DCAF16: variants seen among roughly 807,000 people sequenced by gnomAD.
DCAF16 encodes DDB1- and CUL4-associated factor 16.
A neutral mutation model predicts 17.3 loss-of-function variants in DCAF16; 10 were observed. The observed-to-expected ratio is 0.58, with a 90% CI of 0.36 to 0.98. DCAF16 has a LOEUF of 0.98. Among genes scored for constraint, DCAF16 ranks in the 50% least tolerant of loss-of-function variants. The pLI, the probability that DCAF16 is intolerant of heterozygous loss-of-function variation, is 0.01. For missense variants in DCAF16, 249 were observed against 247.6 expected (o/e 1.01, Z -0.04); for synonymous variants, 111 against 92.8 (o/e 1.20, Z -1.12).
rs1719770181 is a variant in DCAF16 at position 17,801,424 on chromosome 4, C to A, written c.*2067G>T. On this transcript the variant is annotated 3_prime_UTR_variant, in exon 3 of 3. Coordinates refer to ENST00000382247, the MANE Select transcript of DCAF16 (RefSeq NM_017741.4). ...GGATTACAGGCATGAGCCACCATGC[C>A]TGGCCTGCTTCAATTTTTTGATGCC... The A allele has an allele frequency of 6.6e-6, 1 of 152,182 alleles. No individual in the cohort carries two copies. Among genetic ancestry groups the A allele is most frequent in the Non-Finnish European group, 1.5e-5 (1 of 68,038 alleles). 9.4% of individuals were successfully genotyped at this position (152,182 alleles called of 1,614,324 possible).
At chr4:17,805,038 A>G (rs567015802) in intron 2 of DCAF16, 69 bp downstream of exon 2, 1 of 152,174 alleles carries the variant, frequency 6.6e-6, no homozygotes, top group East Asian at 1.9e-4. Context: ...TACTTTTGCA[A>G]AAGCTGATCC....
At chr4:17,798,059 C>A (rs1719507953), downstream of DCAF16, among the ~76,000 whole-genome samples, 1 of 152,176 alleles carries the variant, frequency 6.6e-6, no homozygotes, top group Non-Finnish European at 1.5e-5. Context: ...ACTAGGAAGT[C>A]AGTTTTAATC....
chr4:17,803,827 G>T lies in DCAF16; in HGVS notation c.315C>A (p.Pro105=). The T allele has an allele frequency of 2.5e-6, 4 of 1,614,158 alleles. No individual in the cohort carries two copies. The highest frequency in any genetic ancestry group is 3.4e-6 in the Non-Finnish European group (4 of 1,180,028). Residue 105 remains proline, a synonymous_variant, in exon 3 of 3, where the codon CCC becomes CCA. Transcript: ENST00000382247. ...LRLSHCSHCV[P]KLEPIPEWPP... ...GCCATTCAGGAATTGGTTCCAGTTT[G>T]GGGACACAATGGGAACAATGGGAGA...
chr4:17,805,933 C>T (rs1720281887), intron 1 of DCAF16, among the ~76,000 whole-genome samples: 1 of 152,180 alleles, frequency 6.6e-6, no homozygotes, highest in South Asian at 2.1e-4. Flanking sequence ...CACCACTGTA[C>T]TCCAGTCTGG....
At chr4:17,799,858 T>C (rs1719612642), downstream of DCAF16, among the ~76,000 whole-genome samples, 3 of 152,186 alleles carry the variant, frequency 2.0e-5, no homozygotes, top group South Asian at 6.2e-4. Flanking sequence ...TTAATAAAAA[T>C]GTTGCCTATG....
chr4:17,803,094 A>G lies in DCAF16; in HGVS notation c.*397T>C, dbSNP rs111465602. ...GGCTGGAGTACAGTGGCATAATCTC[A>G]ACTCACCGCAACCTCCGTCTCCTGG... On this transcript the variant is annotated 3_prime_UTR_variant, in exon 3 of 3. Transcript: ENST00000382247. 0.13 allele frequency: 22,919 copies of G among 177,110 alleles called. 1,676 individuals are homozygous for G. The highest frequency in any genetic ancestry group is 0.23 in the South Asian group (1,809 of 7,932). The allele number at this position is 177,110 out of a possible 1,614,324, so 11.0% of individuals were successfully genotyped here.
chr4:17,799,182 G>T (rs1719576444), downstream of DCAF16, among the ~76,000 whole-genome samples: 1 of 152,180 alleles, frequency 6.6e-6, no homozygotes, highest in African/African-American at 2.4e-5. Flanking sequence ...AGTATCCGTT[G>T]TGGGGGTTTA....
At chr4:17,808,174 CTT>C (rs1251214312) in intron 1 of DCAF16, among the ~76,000 whole-genome samples, 4 of 152,190 alleles carry the variant, frequency 2.6e-5, no homozygotes, top group Non-Finnish European at 4.4e-5. Flanking sequence ...CTGCTTATAA[CTT>C]TAAGAAGAAA....
chr4:17,796,307 T>A (rs2109008355), downstream of DCAF16, among the ~76,000 whole-genome samples: 1 of 152,284 alleles, frequency 6.6e-6, no homozygotes, highest in Admixed American at 6.5e-5. Flanking sequence ...ACCTTTTCTG[T>A]GATGAAGAAT....
In DCAF16 at chr4:17,806,089, G is replaced by A. The variant is rs190016148; in HGVS notation, c.-749-864C>T. Among the ~76,000 whole-genome samples, 49 of 152,246 alleles carry A rather than the reference G, an allele frequency of 3.2e-4. No individual in the cohort carries two copies. In the East Asian group the frequency reaches 8.3e-3, roughly 26 times the overall value. On this transcript the variant is annotated intron_variant, in intron 1 of 2. Transcript: ENST00000382247. The stretch of plus-strand genomic sequence containing the variant: ...TTTTTCTCTTTTTGGAAAAAGATAC[G>A]TTAAGAATTGGAAGAGATAAAACTA...
Position 17,802,279 on chromosome 4 carries a change from T to A in DCAF16, c.*1212A>T, listed in dbSNP as rs750848603. 6.6e-6 allele frequency: 1 copy of A among 152,594 alleles called. No homozygotes were observed. The highest frequency in any genetic ancestry group is 6.5e-5 in the Admixed American group (1 of 15,282). The allele number at this position is 152,594 out of a possible 1,614,324, so 9.5% of individuals were successfully genotyped here. ...ATTTTTCCATTCATCTTTTGAAATG[T>A]TATTTACTCTTGACAAAAGTCTGAG... On this transcript the variant is annotated 3_prime_UTR_variant, in exon 3 of 3. Transcript: ENST00000382247.
intron 1 of DCAF16, among the ~76,000 whole-genome samples, chr4:17,805,484 G>A (rs937327735): frequency 1.3e-5 from 2 of 152,082 alleles, no homozygotes; most frequent in East Asian, 1.9e-4. Flanking sequence ...GAAAAAAAGA[G>A]AGAATTTTAT....
At chr4:17,793,643 C>A in the DCAF16 span, among the ~76,000 whole-genome samples, 1 of 152,068 alleles carries the variant, frequency 6.6e-6, no homozygotes, top group African/African-American at 2.4e-5. Flanking sequence ...AATCTGAGAA[C>A]AACCAAAACT....
rs1244434938 is a variant in DCAF16 at position 17,804,096 on chromosome 4, T to A, written c.46A>T (p.Ser16Cys). Residue 16 changes from serine (S) to cysteine (C), a missense_variant, in exon 3 of 3, where the codon AGT (serine) becomes TGT (cysteine). By Grantham distance (112) the Ser-to-Cys change is moderately radical (BLOSUM62 -1). Transcript: ENST00000382247. ...PSPDHLSESE[S>C]EEEENISYLN... ...TAACTAATATTTTCTTCTTCCTCAC[T>A]TTCTGATTCTGACAAGTGGTCAGGA... 1.2e-6 allele frequency: 2 copies of A among 1,614,156 alleles called. No individual in the cohort carries two copies. The highest frequency in any genetic ancestry group is 4.5e-5 in the East Asian group (2 of 44,880).
Position 17,803,465 on chromosome 4 carries a change from G to C in DCAF16, c.*26C>G. 2 of 1,596,670 alleles carry C rather than the reference G, an allele frequency of 1.3e-6. No individual in the cohort carries two copies. Among genetic ancestry groups the C allele is most frequent in the Middle Eastern group, 1.7e-4 (1 of 5,990 alleles). On this transcript the variant is annotated 3_prime_UTR_variant, in exon 3 of 3. Transcript: ENST00000382247. ...ACCACTTTCTCAATTAGCAACATCA[G>C]AGATATCAGAGCAAATGGTAGATCT...
intron 1 of DCAF16, among the ~76,000 whole-genome samples, chr4:17,807,029 G>GA (rs140064399): frequency 0.014 from 2,102 of 152,012 alleles, 59 homozygotes; most frequent in East Asian, 0.13. Flanking sequence ...ACAAGGTTAA[G>GA]AAAAAAATGA....
chr4:17,805,141 G>A lies in DCAF16; in HGVS notation c.-665C>T, dbSNP rs1400712616. 6.6e-6 allele frequency: 1 copy of A among 150,386 alleles called. No individual in the cohort carries two copies. The highest frequency in any genetic ancestry group is 1.9e-4 in the East Asian group (1 of 5,140). The allele number at this position is 150,386 out of a possible 1,614,324, so 9.3% of individuals were successfully genotyped here. On this transcript the variant is annotated 5_prime_UTR_variant, in exon 2 of 3. Coordinates refer to ENST00000382247, the MANE Select transcript of DCAF16 (RefSeq NM_017741.4). ...TGCTTGTTGGAATTAGTTTTAGGGGGCCTGTCCTGGTGGTAGAGCTGCTAG... is the reference window on the plus strand; with the variant it reads ...TGCTTGTTGGAATTAGTTTTAGGGGACCTGTCCTGGTGGTAGAGCTGCTAG...
In DCAF16 at chr4:17,803,764, C is replaced by T. The variant is rs767806969; in HGVS notation, c.378G>A (p.Lys126=). The T allele has an allele frequency of 1.4e-5, 23 of 1,613,966 alleles. No homozygotes were observed. Among genetic ancestry groups the T allele is most frequent in the Non-Finnish European group, 1.9e-5 (23 of 1,180,038 alleles). Residue 126 remains lysine (K), a synonymous_variant, in exon 3 of 3, where the codon AAG becomes AAA. Transcript: ENST00000382247. ...AGAGCCGGCTGGGACTTGTAAGAGG[C>T]TTTTGAAAAGGTGGGACTCCACAAG... The part of the protein sequence containing the change: ...LASCGVPPFQ[K]PLTSPSRLSR...
intron 1 of DCAF16, among the ~76,000 whole-genome samples, 198 bp from the exon 2 acceptor site, chr4:17,805,423 AAAGT>A (rs1296446089): frequency 6.6e-6 from 1 of 152,172 alleles, no homozygotes; most frequent in Non-Finnish European, 1.5e-5. Flanking sequence ...CTATCCCAGG[AAAGT>A]AAGAATAGCT....
Sources: gnomAD v4.1 joint callset for allele counts (sites outside exome capture counted in the v4.1 genomes callset) on GRCh38, gnomAD v4.1.1 for gene constraint, MANE v1.5 for transcripts, NCBI Gene and HGNC (gene_info 2026-07-23, HGNC 2026-07-21) for gene names.